Variants in USP33 observed in about 807,000 individuals in gnomAD.
The protein encoded by USP33 is ubiquitin specific peptidase 33.
A neutral mutation model predicts 124.2 loss-of-function variants in USP33; 46 were observed. That is an observed-to-expected ratio of 0.37 (90% CI 0.29 to 0.47). The LOEUF is 0.47. Ranked by LOEUF, USP33 falls within the 20% of genes least tolerant of loss-of-function variation. USP33 has a pLI of 0.99. For missense variants in USP33, 851 were observed against 1,070.6 expected (o/e 0.79, Z 2.86); for synonymous variants, 350 against 352.3 (o/e 0.99, Z 0.07).
intron 19 of USP33, 86 bp from the exon 20 acceptor site, chr1:77,713,367 T>A: frequency 9.2e-7 from 1 of 1,082,810 alleles, no homozygotes. Context: ...TAACAGTAAC[T>A]AAATGACAGA....
chr1:77,730,078 G>T, intron 8 of USP33, 140 bp from the exon 9 acceptor site: 1 of 738,218 alleles, frequency 1.4e-6, no homozygotes, highest in Non-Finnish European at 2.2e-6. Flanking sequence ...CTAATATTAT[G>T]TTTCACAGGC....
In USP33 at chr1:77,717,847, T is replaced by A; in HGVS notation, c.1918+20A>T. 6.4e-7 allele frequency: 1 copy of A among 1,556,440 alleles called. No individual in the cohort carries two copies. Among genetic ancestry groups the A allele is most frequent in the Non-Finnish European group, 8.7e-7 (1 of 1,153,302 alleles). ...ATTTTTTTTTAAATCTAGGAACAAC[T>A]GTTAAACCTATATACTTACTACTTG... On this transcript the variant is annotated intron_variant, in intron 17 of 23. Transcript: ENST00000370794.
At chr1:77,713,656 C>A in intron 19 of USP33, 1 of 191,050 alleles carries the variant, frequency 5.2e-6, no homozygotes, top group South Asian at 1.0e-4. Flanking sequence ...TTTGGCCTCC[C>A]AAAGTGCTGA....
chr1:77,711,441 T>C, intron 21 of USP33: 1 of 192,658 alleles, frequency 5.2e-6, no homozygotes, highest in Non-Finnish European at 1.0e-5. Context: ...GCAGGAGAAT[T>C]GCTTGAACCT....
At position 77,736,673 on chromosome 1, in the gene USP33, G is replaced by T. The variant is rs553440313; in HGVS notation, c.352-515C>A. ...TTGCCAGGCTGGAGTGCAGTGGCAC[G>T]ATCTCAGCTCACTGCAACCTCCACC... On this transcript the variant is annotated intron_variant, in intron 5 of 23. Coordinates refer to ENST00000370794, the MANE Select transcript of USP33 (RefSeq NM_201624.3). Among the ~76,000 whole-genome samples the T allele has an allele frequency of 2.0e-5, 3 of 151,852 alleles. No individual in the cohort carries two copies. The South Asian group carries it at 6.2e-4, about 32-fold the overall frequency.
intron 9 of USP33, among the ~76,000 whole-genome samples, chr1:77,729,009 C>T (rs1267098448): frequency 6.6e-6 from 1 of 152,094 alleles, no homozygotes; most frequent in Non-Finnish European, 1.5e-5. Context: ...AAGCAATTCT[C>T]CCACCTCAGT....
At chr1:77,717,744 A>T in intron 17 of USP33, 123 bp downstream of exon 17, 1 of 836,688 alleles carries the variant, frequency 1.2e-6, no homozygotes, top group Non-Finnish European at 1.7e-6. Context: ...TCCTGGCTTT[A>T]ATTAAGTGAT....
In USP33 at chr1:77,728,288, T is replaced by C. The variant is rs1325885278; in HGVS notation, c.1135+7A>G. On this transcript the variant is annotated splice_region_variant and intron_variant, in intron 10 of 23. Transcript: ENST00000370794. ...TCATTTTCATGAACAAACTACTAAA[T>C]TGTCACCTGAAGCTCTGCTGTGTAT... 6.4e-7 allele frequency: 1 copy of C among 1,558,896 alleles called. No individual in the cohort carries two copies. Among genetic ancestry groups the C allele is most frequent in the African/African-American group, 1.4e-5 (1 of 72,476 alleles).
At chr1:77,712,867 G>GA (rs985524854) in intron 20 of USP33, among the ~76,000 whole-genome samples, 3 of 151,008 alleles carry the variant, frequency 2.0e-5, no homozygotes, top group South Asian at 4.2e-4. Flanking sequence ...CAAAAAAAAA[G>GA]AAAAAAAAAT....
chr1:77,718,856 G>A, intron 15 of USP33: 1 of 446,452 alleles, frequency 2.2e-6, no homozygotes. Context: ...TTGAACCCGG[G>A]ACACGGAGTT....
At chr1:77,714,950 C>G in intron 18 of USP33, 167 bp from the exon 19 acceptor site, 3 of 648,718 alleles carry the variant, frequency 4.6e-6, no homozygotes, top group Non-Finnish European at 7.6e-6. Flanking sequence ...ACATTATATA[C>G]TCATAGGGAT....
chr1:77,728,759 A>T, intron 9 of USP33, 47 bp from the exon 10 acceptor site: 3 of 1,553,884 alleles, frequency 1.9e-6, no homozygotes, highest in Non-Finnish European at 2.6e-6. Context: ...ACATGTGTAT[A>T]TAGAAACGTA....
At chr1:77,745,010 T>C (rs1467662314) in intron 1 of USP33, among the ~76,000 whole-genome samples, 1 of 152,248 alleles carries the variant, frequency 6.6e-6, no homozygotes. Context: ...ATCTGTCTAA[T>C]GTTGACAGTG....
intron 1 of USP33, among the ~76,000 whole-genome samples, chr1:77,757,232 T>C (rs1680881941): frequency 1.3e-5 from 2 of 152,236 alleles, no homozygotes; most frequent in Non-Finnish European, 2.9e-5. Flanking sequence ...ATAAGGCATT[T>C]ACTGTTGTGT....
chr1:77,721,657 G>C, intron 14 of USP33, 174 bp downstream of exon 14: 1 of 579,076 alleles, frequency 1.7e-6, no homozygotes, highest in Non-Finnish European at 3.0e-6. Flanking sequence ...TTCAGGATGT[G>C]ATTTTTCTTG....
At chr1:77,725,829 A>T in intron 10 of USP33, 67 bp from the exon 11 acceptor site, 1 of 1,373,288 alleles carries the variant, frequency 7.3e-7, no homozygotes, top group Non-Finnish European at 9.8e-7. Context: ...CAATAATGTT[A>T]AAGGTTTCTT....
At chr1:77,748,646 C>A (rs577218430) in intron 1 of USP33, among the ~76,000 whole-genome samples, 1 of 149,198 alleles carries the variant, frequency 6.7e-6, no homozygotes, top group East Asian at 2.0e-4. Flanking sequence ...TCCATCCTGG[C>A]GACACAGCGA....
intron 9 of USP33, among the ~76,000 whole-genome samples, chr1:77,729,158 G>C (rs918021806): frequency 6.6e-6 from 1 of 152,184 alleles, no homozygotes. Flanking sequence ...CGCCTACCTC[G>C]GCCTTCTGAA....
At chr1:77,736,200 A>T in intron 5 of USP33, 42 bp from the exon 6 acceptor site, 3 of 1,394,712 alleles carry the variant, frequency 2.2e-6, no homozygotes, top group Non-Finnish European at 3.0e-6. Context: ...CAAATCCTTA[A>T]ATTTAAAAAA....
Sources: gnomAD v4.1 joint callset for allele counts (sites outside exome capture counted in the v4.1 genomes callset) on GRCh38, gnomAD v4.1.1 for gene constraint, MANE v1.5 for transcripts, NCBI Gene and HGNC (gene_info 2026-07-23, HGNC 2026-07-21) for gene names.